Variants in SGCD observed in about 807,000 individuals in gnomAD.
SGCD encodes the protein delta-sarcoglycan.
A neutral mutation model predicts 36.6 loss-of-function variants in SGCD; 18 were observed. The observed-to-expected ratio is 0.49, with a 90% confidence interval of 0.34 to 0.73. The LOEUF (loss-of-function observed/expected upper bound fraction) is 0.73, where lower values mean the gene tolerates loss of function less well. Among genes scored for constraint, SGCD ranks in the 30% least tolerant of loss-of-function variants. The pLI, the probability that SGCD is intolerant of heterozygous loss-of-function variation, is 0.01. For missense variants in SGCD, 387 were observed against 346.7 expected (o/e 1.12, Z -0.92); for synonymous variants, 133 against 130.6 (o/e 1.02, Z -0.12).
chr5:156,414,678 C>T (rs1772936442), intron 3 of SGCD, among the ~76,000 whole-genome samples: 1 of 152,166 alleles, frequency 6.6e-6, no homozygotes, highest in Non-Finnish European at 1.5e-5. Context: ...AGGCGGTGGG[C>T]TCACAGGCTG....
chr5:156,187,872 C>T (rs1175043879), intron 3 of SGCD, among the ~76,000 whole-genome samples: 5 of 152,140 alleles, frequency 3.3e-5, no homozygotes, highest in Non-Finnish European at 5.9e-5. Flanking sequence ...CAAAGAAGCT[C>T]ATTAGAAATG....
intron 1 of SGCD, among the ~76,000 whole-genome samples, chr5:155,990,928 T>C (rs909250539): frequency 1.3e-5 from 2 of 152,196 alleles, no homozygotes; most frequent in Non-Finnish European, 2.9e-5. Flanking sequence ...TGTTACACTT[T>C]TTTCTCTGAG....
chr5:156,230,474 G>GTC (rs1480193525), intron 3 of SGCD, among the ~76,000 whole-genome samples: 2 of 152,286 alleles, frequency 1.3e-5, no homozygotes, highest in Middle Eastern at 3.4e-3. Flanking sequence ...CACCCAGTAA[G>GTC]TCTACCAACT....
chr5:156,280,702 A>T (rs1766431871), intron 3 of SGCD, among the ~76,000 whole-genome samples: 1 of 152,178 alleles, frequency 6.6e-6, no homozygotes, highest in African/African-American at 2.4e-5. Flanking sequence ...AATCAATCAT[A>T]GATACATTTA....
At chr5:155,805,513 G>A in the SGCD span, among the ~76,000 whole-genome samples, 65 of 152,294 alleles carry the variant, frequency 4.3e-4, 1 homozygote, top group South Asian at 7.5e-3. Context: ...ATTTCCTTTG[G>A]GGGTCTGTCC....
At chr5:156,415,288 C>T (rs1253474186) in intron 3 of SGCD, among the ~76,000 whole-genome samples, 4 of 152,156 alleles carry the variant, frequency 2.6e-5, no homozygotes, top group African/African-American at 9.7e-5. Flanking sequence ...GAGCACTGCC[C>T]TGCTCTTGCA....
chr5:156,679,093 A>G (rs530710241), intron 7 of SGCD, among the ~76,000 whole-genome samples: 1 of 152,276 alleles, frequency 6.6e-6, no homozygotes, highest in Admixed American at 6.5e-5. Context: ...CTTTGTCCAT[A>G]TATTACTTGG....
intron 1 of SGCD, among the ~76,000 whole-genome samples, chr5:156,055,565 A>G (rs1760037037): frequency 6.8e-6 from 1 of 146,566 alleles, no homozygotes; most frequent in Admixed American, 6.8e-5. Context: ...TTAAGGAAGT[A>G]CGTCTCACAT....
In SGCD at chr5:155,975,609, C is replaced by CTTTTTTTTTTTTTTTT. The variant is rs763067309; in HGVS notation, c.-282+105207_-282+105222dup. Among the ~76,000 whole-genome samples, 17 of 28,024 alleles carry CTTTTTTTTTTTTTTTT rather than the reference C, an allele frequency of 6.1e-4. 8 individuals carry two copies. The highest frequency in any genetic ancestry group is 1.2e-3 in the Admixed American group (2 of 1,688). 18.4% of individuals were successfully genotyped at this position (28,024 alleles called of 152,430 possible). A position where few individuals can be genotyped will look rare whatever the true frequency, so the allele number is the denominator to read the frequency against. ...TGTGTTATTTATTTTTCTTTCTTTC[C>CTTTTTTTTTTTTTTTT]TTTTTTTTTTTTTTTTTTTTTTTTT... On this transcript the variant is annotated intron_variant, in intron 1 of 9. Transcript: ENST00000517913.
chr5:156,127,371 AGAG>A (rs1165477704), intron 3 of SGCD, among the ~76,000 whole-genome samples: 2 of 152,178 alleles, frequency 1.3e-5, no homozygotes, highest in African/African-American at 2.4e-5. Context: ...TGAGAGGCCA[AGAG>A]GAGAAGATTG....
chr5:156,247,128 A>G (rs1440437115), intron 3 of SGCD, among the ~76,000 whole-genome samples: 1 of 152,200 alleles, frequency 6.6e-6, no homozygotes, highest in Non-Finnish European at 1.5e-5. Context: ...TTAGAACTGG[A>G]AAGAATAAGA....
At chr5:156,640,426 A>T (rs1337254131) in intron 6 of SGCD, among the ~76,000 whole-genome samples, 1 of 152,146 alleles carries the variant, frequency 6.6e-6, no homozygotes, top group African/African-American at 2.4e-5. Context: ...ATGATTTACA[A>T]TATCTGTTAT....
chr5:155,919,444 T>C (rs1226677327), intron 1 of SGCD, among the ~76,000 whole-genome samples: 1 of 152,222 alleles, frequency 6.6e-6, no homozygotes, highest in Non-Finnish European at 1.5e-5. Flanking sequence ...TCTAGTTCAG[T>C]CTTCCACCTA....
At position 156,647,469 on chromosome 5, in the gene SGCD, G is replaced by A; in HGVS notation, c.508G>A (p.Glu170Lys). ...CTTTTCTGTTTTGTTTACAGGAGCG[G>A]AGGGCACAGTGTTCCCTAAATCTAT... is the stretch of plus-strand genomic sequence containing the variant. ...GAERLRVLGA[E>K]GTVFPKSIET... The change falls in exon 7 of 9, where the codon GAG becomes AAG. Residue 170 changes from glutamate (E) to lysine (K), a missense_variant. Glu to Lys is a moderately conservative substitution (Grantham distance 56, BLOSUM62 1). Coordinates refer to ENST00000337851, the MANE Select transcript of SGCD (RefSeq NM_000337.6). The A allele has an allele frequency of 6.3e-7, 1 of 1,581,164 alleles. No homozygotes were observed. The highest frequency in any genetic ancestry group is 8.6e-7 in the Non-Finnish European group (1 of 1,161,092).
the SGCD span, among the ~76,000 whole-genome samples, chr5:155,767,395 C>T: frequency 3.9e-5 from 6 of 152,264 alleles, no homozygotes; most frequent in African/African-American, 1.4e-4. Flanking sequence ...GCAGTGGCAC[C>T]TTGTTAAAAT....
rs531963883 is a variant in SGCD at position 156,514,483 on chromosome 5, G to A, written c.294+5781G>A. 3.9e-5 allele frequency among the ~76,000 whole-genome samples: 6 copies of A among 152,284 alleles called. No individual in the cohort carries two copies. In the East Asian group the frequency reaches 1.2e-3, roughly 29 times the overall value. On this transcript the variant is annotated intron_variant, in intron 4 of 8. Transcript: ENST00000337851. ...AGAGGAGAGGGTAGAAAGAAAACTT[G>A]AATGGATCAGAAAAATTAACTTACA...
intron 4 of SGCD, among the ~76,000 whole-genome samples, chr5:156,587,170 GA>G (rs1161260593): frequency 1.2e-4 from 19 of 152,130 alleles, no homozygotes; most frequent in African/African-American, 4.6e-4. Context: ...GTGCTGCTGT[GA>G]CCAGCCTGCC....
chr5:155,745,866 A>T, the SGCD span, among the ~76,000 whole-genome samples: 1 of 152,210 alleles, frequency 6.6e-6, no homozygotes, highest in African/African-American at 2.4e-5. Flanking sequence ...ATGAACTGCA[A>T]TACATTGCTT....
intron 7 of SGCD, among the ~76,000 whole-genome samples, chr5:156,751,592 C>T (rs1264082330): frequency 1.3e-5 from 2 of 151,920 alleles, no homozygotes; most frequent in East Asian, 3.9e-4. Context: ...TAAAAGTATT[C>T]CACAAATCAC....
Sources: allele counts gnomAD v4.1 joint callset (sites outside exome capture counted in the v4.1 genomes callset), GRCh38; gene constraint gnomAD v4.1.1; transcripts MANE v1.5; gene names NCBI Gene and HGNC (gene_info 2026-07-23, HGNC 2026-07-21).